XRRA1: variants seen among roughly 807,000 people sequenced by gnomAD.
XRRA1 encodes the protein X-ray radiation resistance associated 1, also known as X-ray radiation resistance-associated protein 1.
In XRRA1, 69 loss-of-function variants were observed where a neutral mutation model predicts 80.2. The observed-to-expected ratio is 0.86, with a 90% CI of 0.71 to 1.05. The LOEUF (loss-of-function observed/expected upper bound fraction) is 1.05. Ranked by LOEUF, XRRA1 falls within the 50% of genes least tolerant of loss-of-function variation. XRRA1 has a pLI of 0.00. For synonymous variants in XRRA1, 348 were observed against 389.9 expected (o/e 0.89, Z 1.27); for missense variants, 967 against 976.4 (o/e 0.99, Z 0.13).
At chr11:74,876,258 AT>A (rs1345456379) in intron 10 of XRRA1, 4 of 152,170 alleles carry the variant, frequency 2.6e-5, no homozygotes, top group African/African-American at 9.7e-5. Context: ...GACAAACGAT[AT>A]TATCAAAAGA....
At chr11:74,910,954 G>C (rs1256885985) in intron 8 of XRRA1, 1 of 153,034 alleles carries the variant, frequency 6.5e-6, no homozygotes, top group Non-Finnish European at 1.5e-5. Flanking sequence ...AATGAGGCCA[G>C]GAAAGGAAAG....
At chr11:74,933,384 G>A (rs1365330628) in intron 5 of XRRA1, 1 of 156,984 alleles carries the variant, frequency 6.4e-6, no homozygotes, top group African/African-American at 2.4e-5. Flanking sequence ...AGCCTCCCAA[G>A]TAGCTGGGAT....
At chr11:74,948,824 C>A (rs1948195556) in intron 1 of XRRA1, 104 bp downstream of exon 1, 1 of 156,866 alleles carries the variant, frequency 6.4e-6, no homozygotes, top group African/African-American at 2.4e-5. Context: ...AGTGCCACAA[C>A]CGGGCTAGAA....
intron 10 of XRRA1, among the ~76,000 whole-genome samples, chr11:74,901,933 G>C (rs1444013532): frequency 6.6e-6 from 1 of 152,128 alleles, no homozygotes; most frequent in Non-Finnish European, 1.5e-5. Flanking sequence ...ATCACATCAA[G>C]TTAAAAAGCT....
At chr11:74,871,567 T>C (rs1210195594) in intron 10 of XRRA1, among the ~76,000 whole-genome samples, 5 of 152,104 alleles carry the variant, frequency 3.3e-5, no homozygotes, top group African/African-American at 1.2e-4. Flanking sequence ...AGGTAATGAT[T>C]CCCCAAAACT....
chr11:74,879,970 C>G (rs894673851), intron 10 of XRRA1, among the ~76,000 whole-genome samples: 1 of 152,012 alleles, frequency 6.6e-6, no homozygotes, highest in Admixed American at 6.6e-5. Flanking sequence ...CAGAATGATG[C>G]TGGCCTCATA....
intron 1 of XRRA1, among the ~76,000 whole-genome samples, chr11:74,945,369 C>T (rs1947295423): frequency 1.3e-5 from 2 of 152,052 alleles, no homozygotes; most frequent in Admixed American, 6.6e-5. Context: ...AGGACGGGAT[C>T]GTTTACATGA....
At chr11:74,933,505 C>T (rs1944168105) in intron 5 of XRRA1, 1 of 215,760 alleles carries the variant, frequency 4.6e-6, no homozygotes, top group South Asian at 9.1e-5. Flanking sequence ...ATCCACCCAC[C>T]TCGGCCTCCC....
intron 15 of XRRA1, chr11:74,845,887 G>T (rs2037989664): frequency 6.6e-6 from 1 of 152,592 alleles, no homozygotes; most frequent in Non-Finnish European, 1.5e-5. Context: ...ATGTAGGGAT[G>T]TATTTATTTA....
intron 15 of XRRA1, 104 bp from the exon 16 acceptor site, chr11:74,845,375 A>C: frequency 8.1e-7 from 1 of 1,228,418 alleles, no homozygotes; most frequent in Non-Finnish European, 1.1e-6. Flanking sequence ...GGCCCTGTTA[A>C]GGGCAAGGGT....
intron 10 of XRRA1, among the ~76,000 whole-genome samples, chr11:74,868,475 C>T (rs2043985849): frequency 6.6e-6 from 1 of 152,140 alleles, no homozygotes; most frequent in South Asian, 2.1e-4. Flanking sequence ...ATGAACAAGT[C>T]TGCATAATAA....
chr11:74,878,545 G>A (rs2046649309), intron 10 of XRRA1, among the ~76,000 whole-genome samples: 1 of 152,102 alleles, frequency 6.6e-6, no homozygotes, highest in South Asian at 2.1e-4. Context: ...GCCCCTGCCT[G>A]TGTCCTGAAT....
intron 12 of XRRA1, among the ~76,000 whole-genome samples, chr11:74,854,760 C>T (rs1479818335): frequency 6.6e-6 from 1 of 152,112 alleles, no homozygotes; most frequent in Non-Finnish European, 1.5e-5. Context: ...TGGCTCAGGC[C>T]TATAATCCCA....
intron 10 of XRRA1, among the ~76,000 whole-genome samples, chr11:74,870,038 A>C (rs537257084): frequency 6.6e-6 from 1 of 152,332 alleles, no homozygotes; most frequent in Admixed American, 6.5e-5. Context: ...TGAGTATAGG[A>C]GCAGACCCCA....
chr11:74,843,558 G>T, intron 18 of XRRA1, 105 bp from the exon 19 acceptor site: 1 of 1,454,056 alleles, frequency 6.9e-7, no homozygotes. Context: ...GGATGGTGTG[G>T]CAGGAGGATG....
chr11:74,894,444 CTG>C (rs1267983649), intron 10 of XRRA1, among the ~76,000 whole-genome samples: 1 of 152,160 alleles, frequency 6.6e-6, no homozygotes, highest in African/African-American at 2.4e-5. Flanking sequence ...CTGCCTGAGA[CTG>C]AGTAATTTAT....
chr11:74,843,500 C>T (rs1448884245), intron 18 of XRRA1, 47 bp from the exon 19 acceptor site: 3 of 1,582,814 alleles, frequency 1.9e-6, no homozygotes, highest in Non-Finnish European at 2.6e-6. Flanking sequence ...TCCTGGTTCT[C>T]ACCTAGCCAG....
chr11:74,847,474 TA>T (rs1463663047), intron 15 of XRRA1, among the ~76,000 whole-genome samples: 12 of 152,350 alleles, frequency 7.9e-5, no homozygotes, highest in African/African-American at 2.6e-4. Context: ...TGTACCATTT[TA>T]ATTTCCTTCC....
chr11:74,890,515 T>C (rs1367978048), intron 10 of XRRA1, among the ~76,000 whole-genome samples: 1 of 151,966 alleles, frequency 6.6e-6, no homozygotes, highest in Non-Finnish European at 1.5e-5. Context: ...AGCAAACACA[T>C]TCAAAAGCTA....
Sources: gnomAD v4.1 joint callset for allele counts (sites outside exome capture counted in the v4.1 genomes callset) on GRCh38, gnomAD v4.1.1 for gene constraint, MANE v1.5 for transcripts, NCBI Gene and HGNC (gene_info 2026-07-23, HGNC 2026-07-21) for gene names.